The following ZNF565 variants were observed in gnomAD, a reference collection of about 807,000 sequenced individuals.
ZNF565 encodes zinc finger protein 565.
ZNF565 carries 27 observed loss-of-function variants against 39.4 expected under a neutral mutation model. The observed-to-expected ratio is 0.69, with a 90% CI of 0.51 to 0.95. The LOEUF is 0.95. ZNF565 is among the 40% of genes least tolerant of loss of function. The pLI is 0.00. For missense variants in ZNF565, 524 were observed against 621.1 expected (o/e 0.84, Z 1.66); for synonymous variants, 185 against 216.6 (o/e 0.85, Z 1.28).
chr19:36,245,583 G>C lies in ZNF565; in HGVS notation c.-53C>G. On this transcript the variant is annotated 5_prime_UTR_variant, in exon 1 of 5. Transcript: ENST00000355114. This position sits in a 1 kb window ranked among gnomAD's most constrained non-coding sequence, Gnocchi z 4.4. ...TTTCCCAGGGTCCACCGCGGATCTA[G>C]GAGGAGGCTTGAGATGCAGCCTCCC... The C allele has an allele frequency of 2.8e-6, 2 of 702,102 alleles. No homozygotes were observed. The highest frequency in any genetic ancestry group is 5.2e-6 in the Non-Finnish European group (2 of 384,660). 43.5% of individuals were successfully genotyped at this position (702,102 alleles called of 1,614,324 possible). A position where few individuals can be genotyped will look rare whatever the true frequency, so the allele number is the denominator to read the frequency against.
At chr19:36,230,239 A>G (rs1977268620) in intron 1 of ZNF565, among the ~76,000 whole-genome samples, 1 of 152,230 alleles carries the variant, frequency 6.6e-6, no homozygotes. Flanking sequence ...AAACCCATTT[A>G]CGTTTCTACC....
chr19:36,183,327 A>G lies in ZNF565; in HGVS notation c.639T>C (p.His213=), dbSNP rs1487120819. The G allele has an allele frequency of 2.5e-6, 4 of 1,614,028 alleles. No individual in the cohort carries two copies. The highest frequency in any genetic ancestry group is 3.3e-4 in the Middle Eastern group (2 of 6,084). ...GTTTCTCACCCGTGTGAATTCTCTGATGCTGAACAAGGTGTGAGGCACGGC... is the reference window on the plus strand; with the variant it reads ...GTTTCTCACCCGTGTGAATTCTCTGGTGCTGAACAAGGTGTGAGGCACGGC... ...AFSRASHLVQ[H]QRIHTGEKPY... Residue 213 remains histidine (H), a synonymous_variant, in exon 5 of 5, where the codon CAT becomes CAC. Coordinates refer to ENST00000304116, the MANE Select transcript of ZNF565 (RefSeq NM_152477.5).
At chr19:36,244,406 G>A (rs1487007267) in intron 1 of ZNF565, among the ~76,000 whole-genome samples, 1 of 152,042 alleles carries the variant, frequency 6.6e-6, no homozygotes, top group Non-Finnish European at 1.5e-5. Flanking sequence ...AAATTATCTG[G>A]GCGTGGTGGT....
chr19:36,234,506 A>C (rs4315447), intron 1 of ZNF565, among the ~76,000 whole-genome samples: 96,537 of 152,046 alleles, frequency 0.63, 30,856 homozygotes, highest in Middle Eastern at 0.71. Context: ...TTTTAAAATT[A>C]CAGAATGTAA....
intron 1 of ZNF565, among the ~76,000 whole-genome samples, chr19:36,227,233 AC>A (rs1192696302): frequency 6.9e-6 from 1 of 144,242 alleles, no homozygotes. Flanking sequence ...TACTAAAATT[AC>A]AAAAATTAGC....
At position 36,201,416 on chromosome 19, in the gene ZNF565, A is replaced by C. The variant is rs537082215; in HGVS notation, c.9+561T>G. Among the ~76,000 whole-genome samples, 72 of 152,008 alleles carry C rather than the reference A, an allele frequency of 4.7e-4. No individual in the cohort carries two copies. In the South Asian group the frequency reaches 0.012, roughly 26 times the overall value. ...TTCAACCACAGTTATGATAAGGGAG[A>C]CTCTCATATTTCTCTCAAGAGAAGG... On this transcript the variant is annotated intron_variant, in intron 2 of 4. Transcript: ENST00000304116.
chr19:36,182,869 T>C lies in ZNF565; in HGVS notation c.1097A>G (p.Lys366Arg). 4 of 1,614,174 alleles carry C rather than the reference T, an allele frequency of 2.5e-6. No individual in the cohort carries two copies. Among genetic ancestry groups the C allele is most frequent in the Non-Finnish European group, 2.5e-6 (3 of 1,180,038 alleles). ...IHSGEKPYEC[K>R]ECGKAFRQHA... Reference sequence around the variant, plus strand: ...CTGTCTGAAGGCCTTCCCACATTCCTTACACTCATAGGGTTTCTCCCCAGA... The same window carrying C: ...CTGTCTGAAGGCCTTCCCACATTCCCTACACTCATAGGGTTTCTCCCCAGA... The change falls in exon 5 of 5, where the codon AAG becomes AGG. Residue 366 changes from lysine (K) to arginine (R), a missense_variant. By Grantham distance (26) the Lys-to-Arg change is conservative (BLOSUM62 2). Coordinates refer to ENST00000304116, the MANE Select transcript of ZNF565 (RefSeq NM_152477.5).
At chr19:36,241,963 C>T (rs561091041) in intron 1 of ZNF565, among the ~76,000 whole-genome samples, 18 of 152,060 alleles carry the variant, frequency 1.2e-4, no homozygotes, top group Middle Eastern at 3.4e-3. Context: ...GATTTGGCAA[C>T]GATTTTGTAA....
upstream of ZNF565, among the ~76,000 whole-genome samples, chr19:36,219,194 C>G (rs190105200): frequency 1.3e-5 from 2 of 152,266 alleles, no homozygotes; most frequent in East Asian, 1.9e-4. Context: ...GGGTCTCACT[C>G]TGGCTCAGGC....
chr19:36,208,517 C>T (rs917498750), intron 1 of ZNF565, among the ~76,000 whole-genome samples: 8 of 152,028 alleles, frequency 5.3e-5, no homozygotes, highest in Admixed American at 1.3e-4. Context: ...TGATTCTGAC[C>T]CAGCAAAACC....
intron 3 of ZNF565, 147 bp downstream of exon 3, chr19:36,194,883 G>A (rs147125883): frequency 1.1e-5 from 14 of 1,229,250 alleles, no homozygotes; most frequent in African/African-American, 6.0e-5. Flanking sequence ...ATTGCTGGCC[G>A]GGCCTCTCTC....
upstream of ZNF565, among the ~76,000 whole-genome samples, chr19:36,219,025 G>A (rs898444089): frequency 6.6e-6 from 1 of 151,204 alleles, no homozygotes; most frequent in Non-Finnish European, 1.5e-5. Context: ...AGCCAGGATG[G>A]TCTCCATCTC....
upstream of ZNF565, among the ~76,000 whole-genome samples, chr19:36,217,750 G>A (rs967150689): frequency 1.3e-5 from 2 of 152,048 alleles, no homozygotes; most frequent in Admixed American, 6.5e-5. Flanking sequence ...CAGGCGTGGC[G>A]GCACATGCCT....
At chr19:36,211,421 G>A (rs980139100) in intron 1 of ZNF565, among the ~76,000 whole-genome samples, 7 of 146,342 alleles carry the variant, frequency 4.8e-5, no homozygotes, top group Non-Finnish European at 1.0e-4. Flanking sequence ...CCCAGCCTGG[G>A]CAACAAGAGC....
At chr19:36,231,195 T>C (rs541242396) in intron 1 of ZNF565, among the ~76,000 whole-genome samples, 3 of 152,098 alleles carry the variant, frequency 2.0e-5, no homozygotes, top group Admixed American at 1.3e-4. Context: ...AAACCCTGTC[T>C]CTACTAAAAA....
intron 1 of ZNF565, among the ~76,000 whole-genome samples, chr19:36,230,323 A>G (rs1018251394): frequency 2.0e-5 from 3 of 152,234 alleles, no homozygotes; most frequent in African/African-American, 7.2e-5. Context: ...TGCTAGGGAA[A>G]TGTCAGCTAT....
rs201101273 is a variant in ZNF565 at position 36,196,107 on chromosome 19, T to A, written c.10-951A>T. On this transcript the variant is annotated intron_variant, in intron 2 of 4. Transcript: ENST00000304116. ...GTGCGCCGCCACACTTGGCTAATTT[T>A]TATATTTTTAGTAGAGATGGGGTTT... 3.3e-5 allele frequency among the ~76,000 whole-genome samples: 5 copies of A among 152,044 alleles called. No homozygotes were observed. In the East Asian group the frequency reaches 9.7e-4, roughly 30 times the overall value.
chr19:36,196,771 C>T (rs1975772768), intron 2 of ZNF565, among the ~76,000 whole-genome samples: 1 of 151,606 alleles, frequency 6.6e-6, no homozygotes, highest in African/African-American at 2.4e-5. Flanking sequence ...GCCAGGAGTT[C>T]AAGACCAGCC....
chr19:36,235,191 G>A (rs777136156), intron 1 of ZNF565, among the ~76,000 whole-genome samples: 1 of 148,386 alleles, frequency 6.7e-6, no homozygotes, highest in Non-Finnish European at 1.5e-5. Flanking sequence ...CCTGGATAAC[G>A]AGCGAAATTC....
Sources: allele counts gnomAD v4.1 joint callset (sites outside exome capture counted in the v4.1 genomes callset), GRCh38; gene constraint gnomAD v4.1.1; non-coding constraint Gnocchi (gnomAD v3.1); transcripts MANE v1.5; gene names NCBI Gene and HGNC (gene_info 2026-07-23, HGNC 2026-07-21).